Variants in AKT3 observed in about 807,000 individuals in gnomAD.
AKT3 encodes AKT serine/threonine kinase 3, also known as RAC-gamma serine/threonine-protein kinase.
A neutral mutation model predicts 65.3 loss-of-function variants in AKT3; 15 were observed. The ratio of observed to expected loss-of-function variants is 0.23; its 90% CI spans 0.15 to 0.35. The LOEUF is 0.35. Among genes scored for constraint, AKT3 ranks in the 10% least tolerant of loss-of-function variants. The pLI, the probability that AKT3 is intolerant of heterozygous loss-of-function variation, is 1.00. For synonymous variants in AKT3, 206 were observed against 183.8 expected, an observed-to-expected ratio of 1.12 and a Z score of -0.98; for missense variants, 243 against 576.5, an observed-to-expected ratio of 0.42 and a Z score of 5.92.
intron 2 of AKT3, among the ~76,000 whole-genome samples, chr1:243,826,836 C>T (rs895052220): frequency 8.5e-5 from 13 of 152,066 alleles, no homozygotes; most frequent in Non-Finnish European, 1.8e-4. Context: ...CTATGATGTA[C>T]AATTCCTTTA....
intron 3 of AKT3, among the ~76,000 whole-genome samples, chr1:243,677,836 C>T (rs1045802505): frequency 2.0e-5 from 3 of 152,200 alleles, no homozygotes; most frequent in African/African-American, 7.2e-5. Flanking sequence ...CCTGTAATCC[C>T]AGCACTTTGG....
chr1:243,766,212 A>T (rs1004627364), intron 2 of AKT3, among the ~76,000 whole-genome samples: 1 of 152,194 alleles, frequency 6.6e-6, no homozygotes, highest in African/African-American at 2.4e-5. Flanking sequence ...TTTGTATTAC[A>T]TATATGTGCA....
chr1:243,784,158 A>G (rs1691095828), intron 2 of AKT3, among the ~76,000 whole-genome samples: 1 of 152,192 alleles, frequency 6.6e-6, no homozygotes, highest in African/African-American at 2.4e-5. Flanking sequence ...TGGGTGTTCT[A>G]AGACTCTCTG....
Position 243,652,477 on chromosome 1 carries a change from C to T in AKT3, c.285-6440G>A, listed in dbSNP as rs149176870. On this transcript the variant is annotated intron_variant, in intron 4 of 13. Coordinates refer to ENST00000673466, the MANE Select transcript of AKT3 (RefSeq NM_005465.7). ...TAAACACGCAAAGGAACAACTGATA[C>T]CAGCCACTGCAAAAACATGCTAAAT... Among the ~76,000 whole-genome samples the T allele has an allele frequency of 1.5e-4, 23 of 152,146 alleles. No individual in the cohort carries two copies. The East Asian group carries it at 4.4e-3, about 29-fold the overall frequency.
chr1:243,645,831 C>T (rs890087952), intron 5 of AKT3, 62 bp downstream of exon 5: 2 of 1,451,722 alleles, frequency 1.4e-6, no homozygotes, highest in Admixed American at 2.2e-5. Flanking sequence ...CAAATGGTAG[C>T]TTTTAATATG....
chr1:243,524,827 T>C (rs1670941358), intron 12 of AKT3, among the ~76,000 whole-genome samples: 1 of 152,116 alleles, frequency 6.6e-6, no homozygotes, highest in African/African-American at 2.4e-5. Context: ...GAAAACAATC[T>C]AAAGGTTCTG....
intron 2 of AKT3, among the ~76,000 whole-genome samples, chr1:243,787,010 A>T (rs1447542233): frequency 2.0e-5 from 3 of 152,240 alleles, no homozygotes; most frequent in Non-Finnish European, 2.9e-5. Flanking sequence ...ACAGATACAA[A>T]GTTTAAAATG....
intron 2 of AKT3, among the ~76,000 whole-genome samples, chr1:243,777,280 C>T (rs1322998230): frequency 6.6e-6 from 1 of 152,012 alleles, no homozygotes; most frequent in Admixed American, 6.6e-5. Flanking sequence ...GGTTTGCATC[C>T]CTATGAGAAT....
chr1:243,795,699 C>T (rs1398344729), intron 2 of AKT3, among the ~76,000 whole-genome samples: 2 of 151,538 alleles, frequency 1.3e-5, no homozygotes, highest in African/African-American at 4.9e-5. Flanking sequence ...TCTCGATCTC[C>T]TGACCTCGTG....
intron 8 of AKT3, among the ~76,000 whole-genome samples, chr1:243,604,656 C>T (rs1285487842): frequency 2.0e-5 from 3 of 152,162 alleles, no homozygotes; most frequent in Non-Finnish European, 2.9e-5. Context: ...TTCCTCTGCT[C>T]CTCAGGTTCA....
intron 12 of AKT3, among the ~76,000 whole-genome samples, chr1:243,525,682 A>T (rs748463113): frequency 2.1e-5 from 3 of 140,458 alleles, no homozygotes; most frequent in Non-Finnish European, 4.5e-5. Flanking sequence ...ATATACCAGC[A>T]GAGATTATTA....
chr1:243,617,425 AC>A (rs1015787989), intron 6 of AKT3, among the ~76,000 whole-genome samples: 8 of 152,044 alleles, frequency 5.3e-5, no homozygotes, highest in Admixed American at 5.2e-4. Flanking sequence ...TAAAAAAAAA[AC>A]TGCTGATGTG....
intron 3 of AKT3, among the ~76,000 whole-genome samples, chr1:243,692,311 T>A (rs1035953047): frequency 1.4e-4 from 22 of 152,124 alleles, no homozygotes; most frequent in Non-Finnish European, 3.2e-4. Flanking sequence ...ATATCCTTAT[T>A]CCTGAAGACA....
rs534273415 is a variant in AKT3 at position 243,769,358 on chromosome 1, A to G, written c.47-73642T>C. Among the ~76,000 whole-genome samples the G allele has an allele frequency of 8.0e-5, 12 of 149,794 alleles. No individual in the cohort carries two copies. The South Asian group carries it at 2.3e-3, about 28-fold the overall frequency. ...GTAGACTGCTGAGACCTACAACTCTATGTTTTAAGTTTTTGAGGAACTGCT... is the reference window on the plus strand; with the variant it reads ...GTAGACTGCTGAGACCTACAACTCTGTGTTTTAAGTTTTTGAGGAACTGCT... On this transcript the variant is annotated intron_variant, in intron 2 of 13. Transcript: ENST00000673466.
intron 2 of AKT3, among the ~76,000 whole-genome samples, chr1:243,832,290 G>A (rs959882411): frequency 6.6e-6 from 1 of 151,850 alleles, no homozygotes; most frequent in East Asian, 1.9e-4. Flanking sequence ...CTCATAACTT[G>A]TAGTACTCAT....
At chr1:243,590,581 T>C (rs893536633) in intron 8 of AKT3, among the ~76,000 whole-genome samples, 3 of 151,654 alleles carry the variant, frequency 2.0e-5, no homozygotes, top group African/African-American at 4.8e-5. Context: ...AAATAGTACA[T>C]GAACATAAAG....
rs1446556340 is a variant in AKT3, at chr1:243,504,901, CTA to C, written c.*346_*347del. The C allele has an allele frequency of 3.7e-6, 1 of 266,734 alleles. No homozygotes were observed. Among genetic ancestry groups the C allele is most frequent in the Non-Finnish European group, 7.1e-6 (1 of 141,374 alleles). 16.5% of individuals were successfully genotyped at this position (266,734 alleles called of 1,614,324 possible). On this transcript the variant is annotated 3_prime_UTR_variant, in exon 14 of 14. Coordinates refer to ENST00000673466, the MANE Select transcript of AKT3 (RefSeq NM_005465.7). ...CATTTAGCCTTCACTGAGGGAAAAA[CTA>C]AAAGATCAAAAGATGATAATTGGTG...
chr1:243,801,596 TTC>T (rs1692385588), intron 2 of AKT3, among the ~76,000 whole-genome samples: 1 of 152,194 alleles, frequency 6.6e-6, no homozygotes. Context: ...GGTGTGAGAA[TTC>T]TGAGGTTAGG....
At chr1:243,689,477 CAA>C (rs996640772) in intron 3 of AKT3, among the ~76,000 whole-genome samples, 3 of 142,974 alleles carry the variant, frequency 2.1e-5, no homozygotes, top group African/African-American at 7.9e-5. Flanking sequence ...AATATTTATT[CAA>C]AGATTTTTTT....
Sources: gnomAD v4.1 joint callset for allele counts (sites outside exome capture counted in the v4.1 genomes callset) on GRCh38, gnomAD v4.1.1 for gene constraint, MANE v1.5 for transcripts, NCBI Gene and HGNC (gene_info 2026-07-23, HGNC 2026-07-21) for gene names.